Variants in PCLO observed in about 807,000 individuals in gnomAD.
The protein encoded by PCLO is protein piccolo.
In PCLO, 82 loss-of-function variants were observed where a neutral mutation model predicts 427.5. That is an observed-to-expected ratio of 0.19 (90% CI 0.16 to 0.23). PCLO has a LOEUF of 0.23. Among genes scored for constraint, PCLO ranks in the 10% least tolerant of loss-of-function variants. PCLO has a pLI of 1.00. For synonymous variants in PCLO, 2,357 were observed against 2,155.4 expected (o/e 1.09, Z -2.59); for missense variants, 6,239 against 6,115.9 (o/e 1.02, Z -0.67).
intron 22 of PCLO, among the ~76,000 whole-genome samples, chr7:82,774,445 C>T (rs1455055647): frequency 2.0e-5 from 3 of 152,232 alleles, no homozygotes; most frequent in East Asian, 1.9e-4. Context: ...ATCTTGATAC[C>T]TTGCAGGGTA....
intron 2 of PCLO, among the ~76,000 whole-genome samples, chr7:83,148,507 G>A (rs529719209): frequency 6.6e-6 from 1 of 152,234 alleles, no homozygotes; most frequent in African/African-American, 2.4e-5. Context: ...TGTTAAGTAA[G>A]TAAATACTTT....
intron 3 of PCLO, among the ~76,000 whole-genome samples, chr7:83,092,307 T>C (rs1220011477): frequency 1.3e-5 from 2 of 152,160 alleles, no homozygotes; most frequent in Non-Finnish European, 2.9e-5. Context: ...TTGAATCCAC[T>C]GGAAAATAAA....
In PCLO at chr7:82,756,754, T is replaced by C. The variant is rs1049495904; in HGVS notation, c.*1821A>G. 3 of 152,034 alleles carry C rather than the reference T, an allele frequency of 2.0e-5. No homozygotes were observed. Among genetic ancestry groups the C allele is most frequent in the African/African-American group, 7.2e-5 (3 of 41,410 alleles). The allele number at this position is 152,034 out of a possible 1,614,324, so 9.4% of individuals were successfully genotyped here. A position where few individuals can be genotyped will look rare whatever the true frequency, so the allele number is the denominator to read the frequency against. ...ATGCTCTGAGAAGCAATTTGATTTA[T>C]TTCTTTTGGGTGGAATATAGGACTA... On this transcript the variant is annotated 3_prime_UTR_variant, in exon 25 of 25. Transcript: ENST00000333891.
In PCLO at chr7:83,155,618, T is replaced by A. The variant is rs775040747; in HGVS notation, c.1023A>T (p.Pro341=). 1 of 1,596,584 alleles carries A rather than the reference T, an allele frequency of 6.3e-7. No individual in the cohort carries two copies. The highest frequency in any genetic ancestry group is 8.5e-7 in the Non-Finnish European group (1 of 1,173,720). ...PPAQPSGLTK[P]LAQQPGTVKP... ...TCACTGTCCCTGGTTGTTGAGCCAATGGCTTTGTTAGCCCTGAGGGCTGAG... is the reference window on the plus strand; with the variant it reads ...TCACTGTCCCTGGTTGTTGAGCCAAAGGCTTTGTTAGCCCTGAGGGCTGAG... Residue 341 remains proline, a synonymous_variant, in exon 2 of 25, where the codon CCA becomes CCT. Transcript: ENST00000333891.
At chr7:83,123,538 G>T (rs1791340218) in intron 3 of PCLO, among the ~76,000 whole-genome samples, 1 of 152,080 alleles carries the variant, frequency 6.6e-6, no homozygotes, top group Non-Finnish European at 1.5e-5. Context: ...GAAAGCATTA[G>T]GGAAACTCTC....
At chr7:82,787,639 T>G (rs1009893589) in intron 22 of PCLO, among the ~76,000 whole-genome samples, 5 of 152,202 alleles carry the variant, frequency 3.3e-5, no homozygotes, top group African/African-American at 7.2e-5. Flanking sequence ...CTAATCCATG[T>G]TCCTAAAGTC....
intron 14 of PCLO, among the ~76,000 whole-genome samples, chr7:82,840,036 AAAC>A (rs975830073): frequency 6.6e-6 from 1 of 152,050 alleles, no homozygotes; most frequent in African/African-American, 2.4e-5. Flanking sequence ...AAATTAGAAA[AAAC>A]AACAACAATA....
At chr7:82,889,931 A>T (rs527502209) in intron 9 of PCLO, among the ~76,000 whole-genome samples, 1 of 152,178 alleles carries the variant, frequency 6.6e-6, no homozygotes, top group East Asian at 1.9e-4. Flanking sequence ...AAAAAACGCA[A>T]GAAGTAAAGG....
chr7:83,040,497 T>C (rs1788947304), intron 3 of PCLO, among the ~76,000 whole-genome samples: 1 of 152,128 alleles, frequency 6.6e-6, no homozygotes, highest in Admixed American at 6.6e-5. Context: ...CTATTCGAAT[T>C]TGAGCTTCTT....
At chr7:82,766,478 T>C (rs1207975673) in intron 22 of PCLO, among the ~76,000 whole-genome samples, 2 of 152,018 alleles carry the variant, frequency 1.3e-5, no homozygotes, top group African/African-American at 2.4e-5. Flanking sequence ...GAAAAGTAGA[T>C]AGCTACTCCT....
chr7:82,823,552 G>A (rs954874896), intron 19 of PCLO, among the ~76,000 whole-genome samples: 2 of 152,266 alleles, frequency 1.3e-5, no homozygotes, highest in African/African-American at 4.8e-5. Flanking sequence ...ATGTTGTGTT[G>A]TAGGACAGTT....
intron 3 of PCLO, among the ~76,000 whole-genome samples, chr7:82,988,405 T>C (rs1272729998): frequency 6.6e-6 from 1 of 152,172 alleles, no homozygotes; most frequent in Non-Finnish European, 1.5e-5. Context: ...TATAAACTTA[T>C]AATTTATTAC....
chr7:83,122,033 T>C (rs1791293773), intron 3 of PCLO, among the ~76,000 whole-genome samples: 1 of 152,098 alleles, frequency 6.6e-6, no homozygotes. Context: ...TGATACATCA[T>C]ATCAACAGAA....
chr7:82,873,806 G>C (rs1052901175), intron 10 of PCLO, among the ~76,000 whole-genome samples: 1 of 142,456 alleles, frequency 7.0e-6, no homozygotes, highest in African/African-American at 2.6e-5. Context: ...AGATGGTCCT[G>C]TAGTTCTAGA....
chr7:82,995,260 T>C (rs1481820121), intron 3 of PCLO, among the ~76,000 whole-genome samples: 1 of 151,884 alleles, frequency 6.6e-6, no homozygotes, highest in African/African-American at 2.4e-5. Context: ...CAGTACTGGA[T>C]GCTGAGGGGT....
In PCLO at chr7:83,134,772, G is replaced by A. The variant is rs774941495; in HGVS notation, c.2778C>T (p.Thr926=). Reference sequence around the variant, plus strand: ...CAAACCCAAAGAGTTTCCCAGTCACGGTCTCTTGAGGAGTTGTAGGCTGTG... The same window carrying A: ...CAAACCCAAAGAGTTTCCCAGTCACAGTCTCTTGAGGAGTTGTAGGCTGTG... ...PKSQPTTPQE[T]VTGKLFGFGA... The change falls in exon 3 of 25, where the codon ACC becomes ACT. Residue 926 remains threonine, a synonymous_variant. Transcript: ENST00000333891. The A allele has an allele frequency of 1.2e-5, 19 of 1,613,744 alleles. No individual in the cohort carries two copies. Among genetic ancestry groups the A allele is most frequent in the East Asian group, 6.7e-5 (3 of 44,878 alleles).
At chr7:83,078,078 T>A (rs1369211760) in intron 3 of PCLO, among the ~76,000 whole-genome samples, 1 of 152,138 alleles carries the variant, frequency 6.6e-6, no homozygotes, top group Non-Finnish European at 1.5e-5. Flanking sequence ...CCTTCTGTGC[T>A]CTTGAGTCCC....
chr7:83,005,024 A>G (rs1055382944), intron 3 of PCLO, among the ~76,000 whole-genome samples: 3 of 151,650 alleles, frequency 2.0e-5, no homozygotes, highest in African/African-American at 7.2e-5. Flanking sequence ...TCATATAATA[A>G]GTGTTGGAAA....
Position 83,155,955 on chromosome 7 carries a change from G to A in PCLO, c.686C>T (p.Pro229Leu), listed in dbSNP as rs112144434. 5,115 of 1,613,734 alleles carry A rather than the reference G, an allele frequency of 3.2e-3. 16 individuals are homozygous for A. Among genetic ancestry groups the A allele is most frequent in the Non-Finnish European group, 3.9e-3 (4,614 of 1,179,824 alleles). ...TTTGGGAGTGCCATCCTGCTGAAGCGGATCCCTACCAGGTCCTTGCTGCTT... is the reference window on the plus strand; with the variant it reads ...TTTGGGAGTGCCATCCTGCTGAAGCAGATCCCTACCAGGTCCTTGCTGCTT... ...IPKQQGPGRD[P>L]LQQDGTPKSI... The change falls in exon 2 of 25, where the codon CCG becomes CTG. Residue 229 changes from proline (P) to leucine (L), a missense_variant. Physicochemically the swap from Pro to Leu is moderately conservative, Grantham distance 98 (BLOSUM62 -3). Around this residue, in one of 5 missense-constraint regions of PCLO, gnomAD observed 4,677 missense variants for 4,468.4 expected, o/e 1.05. Coordinates refer to ENST00000333891, the MANE Select transcript of PCLO (RefSeq NM_033026.6).
Sources: gnomAD v4.1 joint callset for allele counts (sites outside exome capture counted in the v4.1 genomes callset) on GRCh38, gnomAD v4.1.1 for gene constraint, gnomAD v4.1.1 regional missense constraint, MANE v1.5 for transcripts, NCBI Gene and HGNC (gene_info 2026-07-23, HGNC 2026-07-21) for gene names.